Variants in PCDH8 observed in about 807,000 individuals in gnomAD.
PCDH8 encodes protocadherin-8.
Under a neutral mutation model 58.2 loss-of-function variants are expected in PCDH8, and 36 were observed. That is an observed-to-expected ratio of 0.62 (90% CI 0.47 to 0.82). PCDH8 has a LOEUF of 0.82. PCDH8 is among the 40% of genes least tolerant of loss of function. The pLI, the probability that PCDH8 is intolerant of heterozygous loss-of-function variation, is 0.00. For missense variants in PCDH8, 1,493 were observed against 1,567.8 expected (o/e 0.95, Z 0.81); for synonymous variants, 775 against 728.9 (o/e 1.06, Z -1.02).
chr13:52,846,295 G>GC lies in PCDH8; in HGVS notation c.2141dup (p.Gly715ArgfsTer205). On this transcript the variant is annotated frameshift_variant, in exon 1 of 3. Transcript: ENST00000377942. LOFTEE classifies it high-confidence loss of function. ...TGGCAGGCGCAGCCGGCCCACGCCC[G>GC]CCCCCTGCTGTTACCACGAAGCTGA... is the stretch of plus-strand genomic sequence containing the variant. 1 of 1,569,862 alleles carries GC rather than the reference G, an allele frequency of 6.4e-7. No individual in the cohort carries two copies.
Position 52,847,246 on chromosome 13 carries a change from G to C in PCDH8, c.1191C>G (p.Ala397=), listed in dbSNP as rs1965755058. ...PAGAGTPEAG[A]TSLVPEGAAR... is the part of the protein sequence containing the mutation. The stretch of plus-strand genomic sequence containing the variant: ...CCGCCCCCTCCGGCACCAGCGAAGT[G>C]GCACCAGCCTCCGGCGTCCCGGCTC... The change falls in exon 1 of 3, where the codon GCC becomes GCG. Residue 397 remains alanine, a synonymous_variant. Coordinates refer to ENST00000377942, the MANE Select transcript of PCDH8 (RefSeq NM_002590.4). 1.4e-6 allele frequency: 2 copies of C among 1,384,500 alleles called. No individual in the cohort carries two copies. Among genetic ancestry groups the C allele is most frequent in the African/African-American group, 3.0e-5 (2 of 66,336 alleles). The allele number at this position is 1,384,500 out of a possible 1,614,324, so 85.8% of individuals were successfully genotyped here. A position where few individuals can be genotyped will look rare whatever the true frequency, so the allele number is the denominator to read the frequency against.
chr13:52,846,534 G>C lies in PCDH8; in HGVS notation c.1903C>G (p.Arg635Gly). 5 of 1,598,016 alleles carry C rather than the reference G, an allele frequency of 3.1e-6. 1 individual carries two copies. In the South Asian group the frequency reaches 5.5e-5, roughly 18 times the overall value. The change falls in exon 1 of 3, where the codon CGT (arginine) becomes GGT (glycine). Residue 635 changes from arginine to glycine, a missense_variant. Arg to Gly is a moderately radical substitution (Grantham distance 125). Transcript: ENST00000377942. ...GRTAKDTVVA[R>G]VQARDADEGA... ...TCGTCTGCATCCCGGGCCTGCACAC[G>C]GGCCACAACCGTGTCCTTTGCGGTG...
chr13:52,847,706 G>A lies in PCDH8; in HGVS notation c.731C>T (p.Ala244Val). 6.5e-7 allele frequency: 1 copy of A among 1,542,378 alleles called. No homozygotes were observed. The highest frequency in any genetic ancestry group is 8.7e-7 in the Non-Finnish European group (1 of 1,153,058). ...TTCGGCCACGGCGCCCTGCGGGAAG[G>A]CCGGGCTGTGGTCATTCGCATCCAG... The part of the protein sequence containing the change: ...RVLDANDHSP[A>V]FPQGAVAEVE... The change falls in exon 1 of 3, where the codon GCC (alanine) becomes GTC (valine). Residue 244 changes from alanine (A) to valine (V), a missense_variant. By Grantham distance (64) the Ala-to-Val change is moderately conservative. This residue lies in a region of PCDH8 where 1,307 missense variants were observed against 1,362.7 expected (regional missense o/e 0.96). Coordinates refer to ENST00000377942, the MANE Select transcript of PCDH8 (RefSeq NM_002590.4).
chr13:52,845,735 C>A, intron 1 of PCDH8, 71 bp downstream of exon 1: 1 of 1,514,272 alleles, frequency 6.6e-7, no homozygotes, highest in Non-Finnish European at 8.8e-7. Context: ...CCACCCTACC[C>A]CTCCAGTCTC....
At position 52,845,902 on chromosome 13, in the gene PCDH8, G is replaced by GGCGACCGCAGGCGGAGGC; in HGVS notation, c.2517_2534dup (p.Pro840_Ala845dup). On this transcript the variant is annotated inframe_insertion, in exon 1 of 3. Coordinates refer to ENST00000377942, the MANE Select transcript of PCDH8 (RefSeq NM_002590.4). Reference sequence around the variant, plus strand: ...CCTCTGAGCCCGGCACTTCGGCCGCGGCGACCGCAGGCGGAGGCGCGTCCG... The same window carrying GGCGACCGCAGGCGGAGGC: ...CCTCTGAGCCCGGCACTTCGGCCGCGGCGACCGCAGGCGGAGGCGCGACCGCAGGCGGAGGCGCGTCCG... The GGCGACCGCAGGCGGAGGC allele has an allele frequency of 6.8e-7, 1 of 1,477,442 alleles. No homozygotes were observed. Among genetic ancestry groups the GGCGACCGCAGGCGGAGGC allele is most frequent in the Non-Finnish European group, 8.9e-7 (1 of 1,126,330 alleles). The allele number at this position is 1,477,442 out of a possible 1,614,324, so 91.5% of individuals were successfully genotyped here.
In PCDH8 at chr13:52,846,064, C is replaced by A; in HGVS notation, c.2373G>T (p.Arg791=). Residue 791 remains arginine, a synonymous_variant, in exon 1 of 3, where the codon CGG becomes CGT. Transcript: ENST00000377942. ...VRKGGALREE[R]PGAAGGGASA... is the part of the protein sequence containing the mutation. ...AGGCTCCGCCGCCCGCCGCCCCGGG[C>A]CGCTCTTCCCGGAGGGCCCCCCCTT... 1 of 1,534,778 alleles carries A rather than the reference C, an allele frequency of 6.5e-7. No homozygotes were observed.
Position 52,846,912 on chromosome 13 carries a change from T to G in PCDH8, c.1525A>C (p.Asn509His). Reference protein sequence around the residue: ...RPVYEVSVRENNPPGAYLATV... With the variant: ...RPVYEVSVREHNPPGAYLATV... The stretch of plus-strand genomic sequence containing the variant: ...GCCAGGTAGGCGCCTGGCGGGTTGT[T>G]CTCGCGCACCGACACCTCATAGACC... The change falls in exon 1 of 3, where the codon AAC becomes CAC. Residue 509 changes from asparagine (N) to histidine (H), a missense_variant. By Grantham distance (68) the Asn-to-His change is moderately conservative (BLOSUM62 1). Around this residue, in one of 3 missense-constraint regions of PCDH8, gnomAD observed 1,307 missense variants for 1,362.7 expected, o/e 0.96. Coordinates refer to ENST00000377942, the MANE Select transcript of PCDH8 (RefSeq NM_002590.4). 6.3e-7 allele frequency: 1 copy of G among 1,585,472 alleles called. No homozygotes were observed. The highest frequency in any genetic ancestry group is 2.3e-5 in the East Asian group (1 of 43,176).
chr13:52,846,847 G>C lies in PCDH8; in HGVS notation c.1590C>G (p.Gly530=). The change falls in exon 1 of 3, where the codon GGC becomes GGG. Residue 530 remains glycine (G), a synonymous_variant. Coordinates refer to ENST00000377942, the MANE Select transcript of PCDH8 (RefSeq NM_002590.4). Reference sequence around the variant, plus strand: ...CCTCCAGCAGCCGGTAGGTGACCTGGCCGTTGCGGCCCAGGTCCCGGTCGC... The same window carrying C: ...CCTCCAGCAGCCGGTAGGTGACCTGCCCGTTGCGGCCCAGGTCCCGGTCGC... ...AARDRDLGRN[G]QVTYRLLEAE... is the part of the protein sequence containing the mutation. 1 of 1,548,324 alleles carries C rather than the reference G, an allele frequency of 6.5e-7. No individual in the cohort carries two copies. The highest frequency in any genetic ancestry group is 1.2e-5 in the South Asian group (1 of 85,098).
Position 52,846,102 on chromosome 13 carries a change from T to C in PCDH8, c.2335A>G (p.Lys779Glu). ...AIATTCNRRK[K>E]EVRKGGALRE... Reference sequence around the variant, plus strand: ...AGGGCCCCCCCTTTGCGCACCTCCTTCTTGCGGCGGTTGCAGGTGGTGGCG... The same window carrying C: ...AGGGCCCCCCCTTTGCGCACCTCCTCCTTGCGGCGGTTGCAGGTGGTGGCG... Residue 779 changes from lysine (K) to glutamate (E), a missense_variant, in exon 1 of 3, where the codon AAG (lysine) becomes GAG (glutamate). By Grantham distance (56) the Lys-to-Glu change is moderately conservative (BLOSUM62 1). Around this residue, in one of 3 missense-constraint regions of PCDH8, gnomAD observed 1,307 missense variants for 1,362.7 expected, o/e 0.96. Transcript: ENST00000377942. The C allele has an allele frequency of 4.4e-6, 7 of 1,582,090 alleles. No individual in the cohort carries two copies. Among genetic ancestry groups the C allele is most frequent in the East Asian group, 2.4e-5 (1 of 42,100 alleles).
In PCDH8 at chr13:52,846,955, C is replaced by A. The variant is rs371216947; in HGVS notation, c.1482G>T (p.Ala494=). ...TVRVGDENDN[A]PLFTRPVYEV... ...CATAGACCGGCCGCGTGAAGAGCGG[C>A]GCGTTGTCGTTCTCGTCGCCCACAC... Residue 494 remains alanine (A), a synonymous_variant, in exon 1 of 3, where the codon GCG becomes GCT. Transcript: ENST00000377942. 7.5e-6 allele frequency: 12 copies of A among 1,596,244 alleles called. No individual in the cohort carries two copies. The highest frequency in any genetic ancestry group is 1.7e-4 in the Middle Eastern group (1 of 5,956).
In PCDH8 at chr13:52,846,279, C is replaced by T; in HGVS notation, c.2158G>A (p.Ala720Thr). ...TCCGGGCTTCCTGCACTGGCAGGCG[C>T]AGCCGGCCCACGCCCGCCCCCTGCT... ...VTAGGGRGPA[A>T]PASAGSPERS... Residue 720 changes from alanine (A) to threonine (T), a missense_variant, in exon 1 of 3, where the codon GCG becomes ACG. Physicochemically the swap from Ala to Thr is moderately conservative, Grantham distance 58. Around this residue, in one of 3 missense-constraint regions of PCDH8, gnomAD observed 1,307 missense variants for 1,362.7 expected, o/e 0.96. Transcript: ENST00000377942. 2 of 1,576,650 alleles carry T rather than the reference C, an allele frequency of 1.3e-6. No homozygotes were observed. Among genetic ancestry groups the T allele is most frequent in the Non-Finnish European group, 1.7e-6 (2 of 1,167,272 alleles).
chr13:52,844,446 C>T lies in PCDH8; in HGVS notation c.*114G>A. The T allele has an allele frequency of 1.2e-6, 1 of 865,218 alleles. No homozygotes were observed. 53.6% of individuals were successfully genotyped at this position (865,218 alleles called of 1,614,324 possible). A position where few individuals can be genotyped will look rare whatever the true frequency, so the allele number is the denominator to read the frequency against. ...CAATGTGATTGGAAATAGCTTCCAA[C>T]AACTTCATTGTAAGGCACATCTTGC... is the stretch of plus-strand genomic sequence containing the variant. On this transcript the variant is annotated 3_prime_UTR_variant, in exon 3 of 3. Coordinates refer to ENST00000377942, the MANE Select transcript of PCDH8 (RefSeq NM_002590.4).
rs1469114811 is a variant in PCDH8, at chr13:52,847,290, C to G, written c.1147G>C (p.Asp383His). Residue 383 changes from aspartate (D) to histidine (H), a missense_variant, in exon 1 of 3, where the codon GAC (aspartate) becomes CAC (histidine). Transcript: ENST00000377942. ...CCGGCTCCCGCCGGCGAGCTAGCGT[C>G]CGCTCCCCCGAGTGCAGCGGCGGCG... ...AAAAAALGGA[D>H]ASSPAGAGTP... 4 of 1,387,524 alleles carry G rather than the reference C, an allele frequency of 2.9e-6. No homozygotes were observed. The highest frequency in any genetic ancestry group is 3.7e-6 in the Non-Finnish European group (4 of 1,076,982). The allele number at this position is 1,387,524 out of a possible 1,614,324, so 86.0% of individuals were successfully genotyped here. A position where few individuals can be genotyped will look rare whatever the true frequency, so the allele number is the denominator to read the frequency against.
Position 52,848,157 on chromosome 13 carries a change from G to T in PCDH8, c.280C>A (p.Arg94=). The change falls in exon 1 of 3, where the codon CGG becomes AGG. Residue 94 remains arginine, a synonymous_variant. Transcript: ENST00000377942. ...TVGDAGLDRE[R]LCGQAPQCVL... is the part of the protein sequence containing the mutation. The stretch of plus-strand genomic sequence containing the variant: ...CACTGCGGGGCCTGGCCACACAGCC[G>T]CTCGCGGTCCAGGCCGGCGTCCCCG... The T allele has an allele frequency of 6.2e-7, 1 of 1,612,530 alleles. No individual in the cohort carries two copies. The highest frequency in any genetic ancestry group is 1.1e-5 in the South Asian group (1 of 91,032).
Position 52,846,433 on chromosome 13 carries a change from C to G in PCDH8, c.2004G>C (p.Thr668=), listed in dbSNP as rs1381828773. 2 of 1,599,820 alleles carry G rather than the reference C, an allele frequency of 1.3e-6. No homozygotes were observed. Among genetic ancestry groups the G allele is most frequent in the South Asian group, 1.1e-5 (1 of 90,924 alleles). Residue 668 remains threonine (T), a synonymous_variant, in exon 1 of 3, where the codon ACG becomes ACC. Coordinates refer to ENST00000377942, the MANE Select transcript of PCDH8 (RefSeq NM_002590.4). Reference sequence around the variant, plus strand: ...GGTCGCCGGTGAGCAGTATCTCCCCCGTGCGGCGGCCGATGGCGAAGGCTT... The same window carrying G: ...GGTCGCCGGTGAGCAGTATCTCCCCGGTGCGGCGGCCGATGGCGAAGGCTT... ...PREAFAIGRR[T]GEILLTGDLS...
chr13:52,847,503 C>T lies in PCDH8; in HGVS notation c.934G>A (p.Val312Met). ...TAGGTGTCCTGACGCTCGTAGTCCA[C>T]GGGCCCGGCCAGGGTGAGGCGGCCT... ...RSGRLTLAGP[V>M]DYERQDTYEL... The change falls in exon 1 of 3, where the codon GTG becomes ATG. Residue 312 changes from valine (V) to methionine (M), a missense_variant. By Grantham distance (21) the Val-to-Met change is conservative. Around this residue, in one of 3 missense-constraint regions of PCDH8, gnomAD observed 1,307 missense variants for 1,362.7 expected, o/e 0.96. Coordinates refer to ENST00000377942, the MANE Select transcript of PCDH8 (RefSeq NM_002590.4). The T allele has an allele frequency of 6.3e-7, 1 of 1,587,108 alleles. No homozygotes were observed. The highest frequency in any genetic ancestry group is 2.3e-5 in the East Asian group (1 of 43,274).
Position 52,845,810 on chromosome 13 carries a change from G to A in PCDH8, c.2627C>T (p.Ala876Val), listed in dbSNP as rs1965721123. 6.7e-7 allele frequency: 1 copy of A among 1,503,034 alleles called. No homozygotes were observed. The highest frequency in any genetic ancestry group is 2.1e-4 in the Middle Eastern group (1 of 4,664). 93.1% of individuals were successfully genotyped at this position (1,503,034 alleles called of 1,614,324 possible). A position where few individuals can be genotyped will look rare whatever the true frequency, so the allele number is the denominator to read the frequency against. ...CCAGCCGAAGGAAGGCCTCACCTCG[G>A]CGTGCGCGCCGCGGAGCCGCTGCTG... ...EGQQRLRGAH[A>V]EPYGASPGFG... Residue 876 changes from alanine (A) to valine (V), a missense_variant, in exon 1 of 3, where the codon GCC becomes GTC. Ala to Val is a moderately conservative substitution (Grantham distance 64). Around this residue, in one of 3 missense-constraint regions of PCDH8, gnomAD observed 1,307 missense variants for 1,362.7 expected, o/e 0.96. Coordinates refer to ENST00000377942, the MANE Select transcript of PCDH8 (RefSeq NM_002590.4).
In PCDH8 at chr13:52,847,259, G is replaced by C. The variant is rs906170977; in HGVS notation, c.1178C>G (p.Pro393Arg). ...DASSPAGAGT[P>R]EAGATSLVPE... ...CACCAGCGAAGTGGCACCAGCCTCC[G>C]GCGTCCCGGCTCCCGCCGGCGAGCT... Residue 393 changes from proline to arginine, a missense_variant, in exon 1 of 3, where the codon CCG (proline) becomes CGG (arginine). Transcript: ENST00000377942. 5.1e-6 allele frequency: 7 copies of C among 1,377,118 alleles called. No individual in the cohort carries two copies. In the African/African-American group the frequency reaches 7.6e-5, roughly 15 times the overall value. The allele number at this position is 1,377,118 out of a possible 1,614,324, so 85.3% of individuals were successfully genotyped here.
chr13:52,845,961 CA>C lies in PCDH8; in HGVS notation c.2475del (p.Gly826AlafsTer111). ...CTGCCAAAGGGCGCTTTGCCGGTGC[CA>C]GGGAAGGTGAGCACGTCGAACATGT... ...RPNMFDVLTF[P>X]GTGKAPFGSP... On this transcript the variant is annotated frameshift_variant, in exon 1 of 3. Transcript: ENST00000377942. LOFTEE classifies it high-confidence loss of function. 1 of 1,492,536 alleles carries C rather than the reference CA, an allele frequency of 6.7e-7. No individual in the cohort carries two copies. Among genetic ancestry groups the C allele is most frequent in the Non-Finnish European group, 8.8e-7 (1 of 1,134,008 alleles). The allele number at this position is 1,492,536 out of a possible 1,614,324, so 92.5% of individuals were successfully genotyped here. A position where few individuals can be genotyped will look rare whatever the true frequency, so the allele number is the denominator to read the frequency against.
Sources: gnomAD v4.1 joint callset for allele counts on GRCh38, gnomAD v4.1.1 for gene constraint, gnomAD v4.1.1 regional missense constraint, MANE v1.5 for transcripts, NCBI Gene and HGNC (gene_info 2026-07-23, HGNC 2026-07-21) for gene names.